Variants in MYT1L observed in about 807,000 individuals in gnomAD.
MYT1L encodes the protein myelin transcription factor 1-like protein.
A neutral mutation model predicts 126.7 loss-of-function variants in MYT1L; 12 were observed. The observed-to-expected ratio is 0.09, with a 90% CI of 0.06 to 0.15. The LOEUF is 0.15. Among genes scored for constraint, MYT1L ranks in the 10% least tolerant of loss-of-function variants. The probability of loss-of-function intolerance (pLI) is 1.00; values close to 1 mark genes in which losing one functional copy is unlikely to be tolerated. For synonymous variants in MYT1L, 541 were observed against 604.2 expected, an observed-to-expected ratio of 0.90 and a Z score of 1.53; for missense variants, 979 against 1,585.2, an observed-to-expected ratio of 0.62 and a Z score of 6.49.
At chr2:2,319,375 T>G (rs1257082500) in intron 1 of MYT1L, 2 of 152,060 alleles carry the variant, frequency 1.3e-5, no homozygotes, top group African/African-American at 2.4e-5. Context: ...CTGTTTCATG[T>G]ATTCTCAGGT....
chr2:1,922,553 G>A lies in MYT1L; in HGVS notation c.1216C>T (p.His406Tyr). Residue 406 changes from histidine to tyrosine, a missense_variant, in exon 10 of 25, where the codon CAT becomes TAT. By Grantham distance (83) the His-to-Tyr change is moderately conservative (BLOSUM62 2). Transcript: ENST00000647738. The surrounding 1 kb of genome is among the most constrained non-coding windows in gnomAD (Gnocchi z 7.4). Reference sequence around the variant, plus strand: ...GAGGTGGTATCGTCGTCCCGCTCATGACACCCATCCTCCTTCGCACAGCTG... The same window carrying A: ...GAGGTGGTATCGTCGTCCCGCTCATAACACCCATCCTCCTTCGCACAGCTG... ...FASCAKEDGC[H>Y]ERDDDTTSVN... 2 of 1,613,974 alleles carry A rather than the reference G, an allele frequency of 1.2e-6. No homozygotes were observed. Among genetic ancestry groups the A allele is most frequent in the East Asian group, 4.5e-5 (2 of 44,868 alleles).
chr2:2,012,942 G>A (rs2063981581), intron 4 of MYT1L, among the ~76,000 whole-genome samples: 1 of 152,098 alleles, frequency 6.6e-6, no homozygotes, highest in African/African-American at 2.4e-5. Flanking sequence ...ACCTCTTCCT[G>A]GGCCAGAGTT....
intron 2 of MYT1L, among the ~76,000 whole-genome samples, chr2:2,180,780 CTGTG>C (rs769636763): frequency 7.0e-6 from 1 of 143,378 alleles, no homozygotes; most frequent in South Asian, 2.2e-4. Flanking sequence ...GTATTTGTAC[CTGTG>C]TGTGCCTGTG....
At chr2:1,800,421 G>A (rs918306888) in intron 23 of MYT1L, 21 of 152,336 alleles carry the variant, frequency 1.4e-4, no homozygotes, top group African/African-American at 4.6e-4. Context: ...TCAAGGCAGT[G>A]ATGCCCTCTG....
At chr2:1,865,567 T>C (rs2045351867) in intron 18 of MYT1L, among the ~76,000 whole-genome samples, 1 of 152,114 alleles carries the variant, frequency 6.6e-6, no homozygotes, top group Non-Finnish European at 1.5e-5. Flanking sequence ...TGCAGAGAAT[T>C]TTAGCTCCCC....
chr2:1,875,522 T>C (rs1056599104), intron 18 of MYT1L, among the ~76,000 whole-genome samples: 2 of 152,246 alleles, frequency 1.3e-5, no homozygotes, highest in Non-Finnish European at 2.9e-5. Context: ...TCTCTGAATG[T>C]GTCCCATCCT....
intron 4 of MYT1L, among the ~76,000 whole-genome samples, chr2:2,003,824 C>A (rs1232420843): frequency 6.6e-6 from 1 of 152,234 alleles, no homozygotes; most frequent in Non-Finnish European, 1.5e-5. Flanking sequence ...CTCATGGCCC[C>A]AGGCCCGGCT....
chr2:2,158,001 C>T (rs2087007355), intron 3 of MYT1L, among the ~76,000 whole-genome samples: 2 of 152,212 alleles, frequency 1.3e-5, no homozygotes, highest in Admixed American at 1.3e-4. Context: ...CTCCTGGCTC[C>T]TTTCTCCATT....
chr2:1,948,638 G>A (rs2057456090), intron 8 of MYT1L, among the ~76,000 whole-genome samples: 1 of 152,212 alleles, frequency 6.6e-6, no homozygotes, highest in South Asian at 2.1e-4. Flanking sequence ...GATCTGGAAA[G>A]AGAGGAGGAT....
In MYT1L at chr2:2,224,534, T is replaced by C. The variant is rs1468788935; in HGVS notation, c.-420-51546A>G. Among the ~76,000 whole-genome samples, 1 of 152,166 alleles carries C rather than the reference T, an allele frequency of 6.6e-6. No homozygotes were observed. Among genetic ancestry groups the C allele is most frequent in the Non-Finnish European group, 1.5e-5 (1 of 68,028 alleles). On this transcript the variant is annotated intron_variant, in intron 2 of 24. Coordinates refer to ENST00000647738, the MANE Select transcript of MYT1L (RefSeq NM_001303052.2). This position sits in a 1 kb window ranked among gnomAD's most constrained non-coding sequence, Gnocchi z 4.0. ...TTTTTCCCATTAAGAAAATAAATGT[T>C]TCAGGCTGGGCACGGTGGCTGAAGC...
chr2:2,095,446 TA>T (rs1002992695), intron 3 of MYT1L, among the ~76,000 whole-genome samples: 3 of 152,124 alleles, frequency 2.0e-5, no homozygotes, highest in Non-Finnish European at 4.4e-5. Context: ...TGTGGCGTCA[TA>T]AGAAATTAAG....
At chr2:2,294,780 A>G (rs951269298) in intron 1 of MYT1L, among the ~76,000 whole-genome samples, 12 of 152,332 alleles carry the variant, frequency 7.9e-5, no homozygotes, top group Non-Finnish European at 1.5e-4. Flanking sequence ...GAAATCAATT[A>G]TTAAGTATCT....
At chr2:2,281,735 G>A (rs1438486386) in intron 2 of MYT1L, among the ~76,000 whole-genome samples, 1 of 152,178 alleles carries the variant, frequency 6.6e-6, no homozygotes, top group Admixed American at 6.5e-5. Flanking sequence ...CATCCATTAA[G>A]TTGAATTGAA....
chr2:2,029,239 A>T (rs571916856), intron 4 of MYT1L, among the ~76,000 whole-genome samples: 4 of 152,340 alleles, frequency 2.6e-5, no homozygotes, highest in African/African-American at 9.6e-5. Context: ...GTCCATACAC[A>T]TGTGTATGCC....
chr2:1,989,106 C>T (rs1426628882), intron 5 of MYT1L, among the ~76,000 whole-genome samples: 1 of 152,012 alleles, frequency 6.6e-6, no homozygotes, highest in African/African-American at 2.4e-5. Flanking sequence ...TACAGCCAAA[C>T]GTTTAGTTGC....
chr2:1,819,578 C>T (rs991816759), intron 21 of MYT1L, among the ~76,000 whole-genome samples: 5 of 152,252 alleles, frequency 3.3e-5, no homozygotes, highest in African/African-American at 7.2e-5. Context: ...TCCATGCACC[C>T]GTGAGTGACA....
intron 21 of MYT1L, among the ~76,000 whole-genome samples, chr2:1,817,795 A>G (rs1419255954): frequency 2.0e-5 from 3 of 152,220 alleles, no homozygotes; most frequent in Non-Finnish European, 4.4e-5. Context: ...CCGGGTGTAA[A>G]TTATAAAGAG....
chr2:2,291,265 C>T (rs2095595645), intron 1 of MYT1L, among the ~76,000 whole-genome samples: 1 of 152,148 alleles, frequency 6.6e-6, no homozygotes, highest in Non-Finnish European at 1.5e-5. Context: ...TGCCTCCTGA[C>T]TATGAAACCA....
chr2:1,793,955 C>T lies in MYT1L; in HGVS notation c.3277-1491G>A, dbSNP rs559411497. On this transcript the variant is annotated intron_variant, in intron 23 of 24. Coordinates refer to ENST00000647738, the MANE Select transcript of MYT1L (RefSeq NM_001303052.2). This position sits in a 1 kb window ranked among gnomAD's most constrained non-coding sequence, Gnocchi z 4.6. Reference sequence around the variant, plus strand: ...TTCTGTAGCCCTTCCTGGGTGGCCACGTGCCTGCACTCACAGCTGGTGGCA... The same window carrying T: ...TTCTGTAGCCCTTCCTGGGTGGCCATGTGCCTGCACTCACAGCTGGTGGCA... Among the ~76,000 whole-genome samples the T allele has an allele frequency of 4.6e-5, 7 of 152,282 alleles. No individual in the cohort carries two copies. Among genetic ancestry groups the T allele is most frequent in the Admixed American group, 2.0e-4 (3 of 15,296 alleles).
Sources: gnomAD v4.1 joint callset for allele counts (sites outside exome capture counted in the v4.1 genomes callset) on GRCh38, gnomAD v4.1.1 for gene constraint, Gnocchi (gnomAD v3.1) non-coding constraint, MANE v1.5 for transcripts, NCBI Gene and HGNC (gene_info 2026-07-23, HGNC 2026-07-21) for gene names.